SNX13: variants seen among roughly 807,000 people sequenced by gnomAD.
The protein encoded by SNX13 is sorting nexin 13.
A neutral mutation model predicts 133.6 loss-of-function variants in SNX13; 45 were observed. That is an observed-to-expected ratio of 0.34 (90% CI 0.27 to 0.43). SNX13 has a LOEUF of 0.43. Among genes scored for constraint, SNX13 ranks in the 20% least tolerant of loss-of-function variants. The pLI is 1.00. For missense variants in SNX13, 1,032 were observed against 1,145.1 expected, an observed-to-expected ratio of 0.90 and a Z score of 1.43; for synonymous variants, 414 against 373.9, an observed-to-expected ratio of 1.11 and a Z score of -1.24.
chr7:17,920,268 T>C (rs571917158), intron 1 of SNX13, among the ~76,000 whole-genome samples: 95 of 152,340 alleles, frequency 6.2e-4, no homozygotes, highest in African/African-American at 2.2e-3. Flanking sequence ...TGTGAAAGTC[T>C]TGTTTTCACT....
At chr7:17,797,684 T>C (rs1413269739) in intron 24 of SNX13, among the ~76,000 whole-genome samples, 2 of 151,740 alleles carry the variant, frequency 1.3e-5, no homozygotes, top group Non-Finnish European at 3.0e-5. Context: ...ATCTAGGCAT[T>C]AGTAATTTTT....
At position 17,902,897 on chromosome 7, in the gene SNX13, T is replaced by C. The variant is rs1392873080; in HGVS notation, c.13-5451A>G. On this transcript the variant is annotated intron_variant, in intron 1 of 25. Transcript: ENST00000428135. ...CGTGAAACCTATTGTGAACTGTGCA[T>C]GTGAGGGCTCTAGGTTGAGTATTCC... Among the ~76,000 whole-genome samples, 6 of 152,118 alleles carry C rather than the reference T, an allele frequency of 3.9e-5. No homozygotes were observed. In the East Asian group the frequency reaches 5.8e-4, roughly 15 times the overall value.
chr7:17,801,265 A>G (rs1451971413), intron 22 of SNX13, among the ~76,000 whole-genome samples: 1 of 151,686 alleles, frequency 6.6e-6, no homozygotes, highest in East Asian at 1.9e-4. Context: ...AGCAAAAAAA[A>G]GTCAGACTTC....
At chr7:17,803,385 T>G in intron 21 of SNX13, 34 bp downstream of exon 21, 1 of 1,553,476 alleles carries the variant, frequency 6.4e-7, no homozygotes, top group South Asian at 1.2e-5. Context: ...TTAAAAATAG[T>G]TTGCTTTAGA....
At chr7:17,907,408 G>C (rs953722542) in intron 1 of SNX13, 1 of 152,190 alleles carries the variant, frequency 6.6e-6, no homozygotes, top group African/African-American at 2.4e-5. Flanking sequence ...CTTTGTTACA[G>C]AGAATGTAAG....
chr7:17,902,253 T>G (rs1364123947), intron 1 of SNX13, among the ~76,000 whole-genome samples: 3 of 151,236 alleles, frequency 2.0e-5, no homozygotes, highest in Admixed American at 2.0e-4. Flanking sequence ...TTTTTTTTTT[T>G]TTTTTTTTTT....
At chr7:17,859,566 A>G (rs1368131675) in intron 9 of SNX13, among the ~76,000 whole-genome samples, 1 of 152,150 alleles carries the variant, frequency 6.6e-6, no homozygotes, top group Non-Finnish European at 1.5e-5. Context: ...TTATCACCTT[A>G]AACAATTTAA....
intron 21 of SNX13, 88 bp from the exon 22 acceptor site, chr7:17,801,747 G>C: frequency 1.1e-6 from 1 of 949,040 alleles, no homozygotes; most frequent in Admixed American, 2.9e-5. Flanking sequence ...ATGAGTATCA[G>C]CATTTGATCT....
intron 1 of SNX13, chr7:17,899,572 T>A (rs1254822150): frequency 2.0e-5 from 3 of 151,820 alleles, no homozygotes; most frequent in Non-Finnish European, 4.4e-5. Context: ...TTCTGCTTGA[T>A]CAATTCTGTT....
intron 12 of SNX13, 90 bp downstream of exon 12, chr7:17,845,505 T>C (rs1219642078): frequency 2.6e-5 from 20 of 771,080 alleles, no homozygotes; most frequent in Non-Finnish European, 4.2e-5. Context: ...TAAAAATAGT[T>C]GAGATACTAA....
At position 17,940,415 on chromosome 7, in the gene SNX13, G is replaced by C. The variant is rs374074093; in HGVS notation, c.-120C>G. 1 of 1,224,186 alleles carries C rather than the reference G, an allele frequency of 8.2e-7. No individual in the cohort carries two copies. Among genetic ancestry groups the C allele is most frequent in the Admixed American group, 2.0e-5 (1 of 50,632 alleles). The allele number at this position is 1,224,186 out of a possible 1,614,324, so 75.8% of individuals were successfully genotyped here. The stretch of plus-strand genomic sequence containing the variant: ...GCAACTGCTCCTTCAGTCTTCTCCC[G>C]GGCGGCGGTTTTACTCGGCTTCGCT... On this transcript the variant is annotated 5_prime_UTR_variant, in exon 1 of 26. Transcript: ENST00000428135.
At chr7:17,819,585 TTTTAC>T (rs1176220208) in intron 18 of SNX13, among the ~76,000 whole-genome samples, 2 of 152,158 alleles carry the variant, frequency 1.3e-5, no homozygotes, top group Non-Finnish European at 2.9e-5. Context: ...TGTAAAATAA[TTTTAC>T]TTTAAGAGCT....
intron 18 of SNX13, 46 bp downstream of exon 18, chr7:17,821,463 A>C (rs1787269921): frequency 6.6e-7 from 1 of 1,516,696 alleles, no homozygotes; most frequent in African/African-American, 1.4e-5. Context: ...ATCAAAATCA[A>C]ATCAAGAAAC....
At chr7:17,844,410 C>G (rs1344708926) in intron 12 of SNX13, among the ~76,000 whole-genome samples, 4 of 151,810 alleles carry the variant, frequency 2.6e-5, no homozygotes, top group African/African-American at 9.7e-5. Context: ...GAATCAGTAA[C>G]CAAAAATCGT....
chr7:17,870,436 C>T lies in SNX13; in HGVS notation c.754-1946G>A, dbSNP rs530755752. On this transcript the variant is annotated intron_variant, in intron 8 of 25. Transcript: ENST00000428135. ...GGAAAAAAAACTGACTTGCTGAATG[C>T]ATGGTCTGCAATTATCCTCACTTAA... Among the ~76,000 whole-genome samples the T allele has an allele frequency of 1.2e-4, 19 of 152,264 alleles. No individual in the cohort carries two copies. The South Asian group carries it at 3.7e-3, about 30-fold the overall frequency.
chr7:17,814,679 G>C (rs192193668), intron 20 of SNX13, among the ~76,000 whole-genome samples, 155 bp downstream of exon 20: 1 of 151,992 alleles, frequency 6.6e-6, no homozygotes, highest in Non-Finnish European at 1.5e-5. Flanking sequence ...TTTATATGTA[G>C]ATATTCCTAC....
At chr7:17,936,278 T>G (rs531398916) in intron 1 of SNX13, among the ~76,000 whole-genome samples, 1 of 152,250 alleles carries the variant, frequency 6.6e-6, no homozygotes, top group African/African-American at 2.4e-5. Flanking sequence ...ACTTAACAAC[T>G]ATTAACCTGG....
chr7:17,856,463 G>A (rs1791894296), intron 9 of SNX13, among the ~76,000 whole-genome samples: 2 of 152,142 alleles, frequency 1.3e-5, no homozygotes, highest in South Asian at 4.1e-4. Flanking sequence ...AACACTAAAT[G>A]TAAGTGGACT....
intron 1 of SNX13, among the ~76,000 whole-genome samples, chr7:17,931,407 T>C (rs1801377247): frequency 2.0e-5 from 3 of 152,210 alleles, no homozygotes. Context: ...CACATTTAAC[T>C]CTTCCACTAA....
Sources: allele counts gnomAD v4.1 joint callset (sites outside exome capture counted in the v4.1 genomes callset), GRCh38; gene constraint gnomAD v4.1.1; transcripts MANE v1.5; gene names NCBI Gene and HGNC (gene_info 2026-07-23, HGNC 2026-07-21).